Variants in ABCC1 observed in about 807,000 individuals in gnomAD.
The protein encoded by ABCC1 is ATP binding cassette subfamily C member 1 (ABCC1 blood group), also known as multidrug resistance-associated protein 1.
In ABCC1, 83 loss-of-function variants were observed where a neutral mutation model predicts 172.9. That is an observed-to-expected ratio of 0.48 (90% CI 0.40 to 0.58). The LOEUF is 0.58. Ranked by LOEUF, ABCC1 falls within the 20% of genes least tolerant of loss-of-function variation. The probability of loss-of-function intolerance (pLI) is 0.00; values close to 1 mark genes in which losing one functional copy is unlikely to be tolerated. For synonymous variants in ABCC1, 937 were observed against 825.2 expected (o/e 1.14, Z -2.32); for missense variants, 1,817 against 2,002.7 (o/e 0.91, Z 1.77).
In ABCC1 at chr16:16,071,844, C is replaced by T. The variant is rs45595534; in HGVS notation, c.1912+115C>T. 1.1e-3 allele frequency: 1,070 copies of T among 931,746 alleles called. 12 individuals are homozygous for T. In the East Asian group the frequency reaches 0.018, roughly 15 times the overall value. The allele number at this position is 931,746 out of a possible 1,614,324, so 57.7% of individuals were successfully genotyped here. A position where few individuals can be genotyped will look rare whatever the true frequency, so the allele number is the denominator to read the frequency against. On this transcript the variant is annotated intron_variant, in intron 14 of 30. Coordinates refer to ENST00000399410, the MANE Select transcript of ABCC1 (RefSeq NM_004996.4). ...GCCCTCAGGTTTGACTCTGCCCAGC[C>T]GCTTGTCTGCGAGACCCCGGGGGAC...
At position 16,142,096 on chromosome 16, in the gene ABCC1, C is replaced by G. The variant is rs1308884668; in HGVS notation, c.*815C>G. On this transcript the variant is annotated 3_prime_UTR_variant, in exon 31 of 31. Transcript: ENST00000399410. ...CCACCCACCCCGACTCCAGGCTTTC[C>G]CTTTTTTCTTTTGTTCAACATTGTA... 7.0e-6 allele frequency: 1 copy of G among 142,906 alleles called. No individual in the cohort carries two copies. The highest frequency in any genetic ancestry group is 2.4e-4 in the East Asian group (1 of 4,142). The allele number at this position is 142,906 out of a possible 1,614,324, so 8.9% of individuals were successfully genotyped here.
At chr16:16,036,205 C>T (rs1190642899) in intron 6 of ABCC1, among the ~76,000 whole-genome samples, 3 of 151,594 alleles carry the variant, frequency 2.0e-5, no homozygotes, top group Admixed American at 6.5e-5. Flanking sequence ...TCTTTTTTTC[C>T]CTAAGTCTTT....
intron 17 of ABCC1, among the ~76,000 whole-genome samples, chr16:16,084,929 G>C (rs1160880940): frequency 6.6e-6 from 1 of 152,080 alleles, no homozygotes; most frequent in Non-Finnish European, 1.5e-5. Context: ...CCTATAACTT[G>C]AGTATTTTCT....
chr16:16,106,630 CGT>C, intron 20 of ABCC1, 106 bp from the exon 21 acceptor site: 1 of 1,366,532 alleles, frequency 7.3e-7, no homozygotes, highest in Non-Finnish European at 1.0e-6. Flanking sequence ...GGAAACACTC[CGT>C]CTCTTATGCC....
At chr16:15,975,879 T>C (rs558902267) in intron 1 of ABCC1, among the ~76,000 whole-genome samples, 1 of 152,204 alleles carries the variant, frequency 6.6e-6, no homozygotes, top group East Asian at 1.9e-4. Context: ...TGAATGAGTG[T>C]TTAATAAGCA....
chr16:16,022,858 A>T (rs2151792317), intron 5 of ABCC1, among the ~76,000 whole-genome samples: 1 of 152,302 alleles, frequency 6.6e-6, no homozygotes, highest in African/African-American at 2.4e-5. Flanking sequence ...TTGCTTTGTC[A>T]CATATCTGTC....
intron 1 of ABCC1, among the ~76,000 whole-genome samples, chr16:15,963,278 C>T (rs1447111950): frequency 6.6e-6 from 1 of 152,248 alleles, no homozygotes; most frequent in African/African-American, 2.4e-5. Context: ...AGGGTATAGC[C>T]CCGCTCCTGG....
At chr16:16,092,911 C>G (rs2051312239) in intron 19 of ABCC1, among the ~76,000 whole-genome samples, 1 of 152,308 alleles carries the variant, frequency 6.6e-6, no homozygotes, top group Middle Eastern at 3.4e-3. Flanking sequence ...ATCGCTTGAG[C>G]CTGGGAGTCA....
intron 19 of ABCC1, among the ~76,000 whole-genome samples, chr16:16,096,241 AAAAC>A (rs2051474785): frequency 6.6e-6 from 1 of 151,984 alleles, no homozygotes; most frequent in Non-Finnish European, 1.5e-5. Context: ...AAAAAACAAA[AAAAC>A]AAAAAAAAAC....
chr16:16,051,801 A>C (rs1325599611), intron 10 of ABCC1, among the ~76,000 whole-genome samples: 1 of 152,184 alleles, frequency 6.6e-6, no homozygotes, highest in African/African-American at 2.4e-5. Flanking sequence ...GAGCTACTCT[A>C]CCCAATTCTG....
chr16:16,102,401 T>C (rs1331410510), intron 19 of ABCC1, among the ~76,000 whole-genome samples: 3 of 152,156 alleles, frequency 2.0e-5, no homozygotes, highest in African/African-American at 4.8e-5. Flanking sequence ...TTCTGCACAG[T>C]TGCAAAGCAC....
chr16:16,103,206 T>C (rs542777195), intron 20 of ABCC1, among the ~76,000 whole-genome samples: 126 of 152,034 alleles, frequency 8.3e-4, no homozygotes, highest in Non-Finnish European at 1.5e-3. Flanking sequence ...AGTATGCTCG[T>C]GTTTGATTAT....
chr16:16,060,489 C>T (rs1349860454), intron 12 of ABCC1, among the ~76,000 whole-genome samples: 2 of 152,244 alleles, frequency 1.3e-5, no homozygotes, highest in East Asian at 3.9e-4. Context: ...CACTCCAATA[C>T]CTTGACTTTA....
chr16:16,010,969 C>T (rs1341635675), intron 3 of ABCC1, among the ~76,000 whole-genome samples: 2 of 152,198 alleles, frequency 1.3e-5, no homozygotes, highest in African/African-American at 4.8e-5. Context: ...CATCGTGGCT[C>T]ATGCCTGTAA....
At chr16:15,990,020 G>A (rs187256700) in intron 1 of ABCC1, among the ~76,000 whole-genome samples, 1 of 152,006 alleles carries the variant, frequency 6.6e-6, no homozygotes, top group African/African-American at 2.4e-5. Context: ...GGGATTACAG[G>A]TGTGAGCCAC....
At chr16:16,053,710 C>T (rs887904436) in intron 11 of ABCC1, among the ~76,000 whole-genome samples, 4 of 133,698 alleles carry the variant, frequency 3.0e-5, no homozygotes, top group African/African-American at 8.4e-5. Flanking sequence ...TCACCTGAAC[C>T]CAGGAGGTCG....
intron 12 of ABCC1, among the ~76,000 whole-genome samples, chr16:16,065,862 G>A (rs1243469511): frequency 2.6e-5 from 4 of 152,180 alleles, no homozygotes; most frequent in Non-Finnish European, 4.4e-5. Context: ...ACAGGCATGG[G>A]CTACCATGCC....
intron 14 of ABCC1, 107 bp from the exon 15 acceptor site, chr16:16,076,219 C>A: frequency 9.3e-7 from 1 of 1,080,804 alleles, no homozygotes; most frequent in Non-Finnish European, 1.3e-6. Context: ...TAGCGCCATT[C>A]GTGCCAAGCG....
intron 27 of ABCC1, 28 bp from the exon 28 acceptor site, chr16:16,134,319 CCCA>C: frequency 6.2e-7 from 1 of 1,612,082 alleles, no homozygotes; most frequent in African/African-American, 1.3e-5. Flanking sequence ...TGCCAGCATT[CCCA>C]CCACACCTGG....
Sources: gnomAD v4.1 joint callset for allele counts (sites outside exome capture counted in the v4.1 genomes callset) on GRCh38, gnomAD v4.1.1 for gene constraint, MANE v1.5 for transcripts, NCBI Gene and HGNC (gene_info 2026-07-23, HGNC 2026-07-21) for gene names.